The following SLC4A5 variants were observed in gnomAD, a reference collection of about 807,000 sequenced individuals.
SLC4A5 encodes the protein solute carrier family 4 member 5.
In SLC4A5, 96 loss-of-function variants were observed where a neutral mutation model predicts 120.4. That is an observed-to-expected ratio of 0.80 (90% CI 0.68 to 0.94). SLC4A5 has a LOEUF of 0.94. Ranked by LOEUF, SLC4A5 falls within the 40% of genes least tolerant of loss-of-function variation. The pLI is 0.00. For synonymous variants in SLC4A5, 550 were observed against 571.1 expected, an observed-to-expected ratio of 0.96 and a Z score of 0.53; for missense variants, 1,259 against 1,459.5, an observed-to-expected ratio of 0.86 and a Z score of 2.24.
At chr2:74,253,008 C>G in exon 15 of SLC4A5, 1 of 1,614,144 alleles carries the variant, frequency 6.2e-7, no homozygotes, top group Non-Finnish European at 8.5e-7. Flanking sequence ...TTGGGGGGCT[C>G]AATCCGGATA....
intron 4 of SLC4A5, 60 bp from the exon 5 acceptor site, chr2:74,328,246 G>C: frequency 1.0e-6 from 1 of 959,354 alleles, no homozygotes; most frequent in Non-Finnish European, 1.2e-6. Flanking sequence ...TTGGGGCATT[G>C]GAGATTGACT....
intron 5 of SLC4A5, among the ~76,000 whole-genome samples, chr2:74,318,063 CTTAA>C (rs1673009656): frequency 6.6e-6 from 1 of 151,980 alleles, no homozygotes; most frequent in African/African-American, 2.4e-5. Context: ...ACAAATGGCA[CTTAA>C]TTAAACTAAA....
At chr2:74,323,601 G>C (rs1230550489) in intron 5 of SLC4A5, among the ~76,000 whole-genome samples, 1 of 152,128 alleles carries the variant, frequency 6.6e-6, no homozygotes, top group Non-Finnish European at 1.5e-5. Context: ...AAATGTAAAA[G>C]ATTTGATACA....
intron 7 of SLC4A5, among the ~76,000 whole-genome samples, chr2:74,286,527 C>T (rs1671989500): frequency 6.6e-6 from 1 of 152,154 alleles, no homozygotes; most frequent in Non-Finnish European, 1.5e-5. Context: ...TCTTTCTTTT[C>T]CTTCCTTCCT....
At chr2:74,332,609 C>T (rs1673389197) in intron 4 of SLC4A5, among the ~76,000 whole-genome samples, 1 of 152,112 alleles carries the variant, frequency 6.6e-6, no homozygotes, top group Non-Finnish European at 1.5e-5. Context: ...TTAACTTTTT[C>T]CTCCTGCACA....
intron 5 of SLC4A5, among the ~76,000 whole-genome samples, chr2:74,325,181 G>C (rs1301839813): frequency 6.6e-6 from 1 of 152,162 alleles, no homozygotes; most frequent in Non-Finnish European, 1.5e-5. Context: ...TTTCCTATTT[G>C]AAGTACTATG....
chr2:74,234,235 G>C (rs1320777500), intron 22 of SLC4A5, among the ~76,000 whole-genome samples: 7 of 150,716 alleles, frequency 4.6e-5, no homozygotes, highest in Non-Finnish European at 8.8e-5. Flanking sequence ...CTGCAGTGCA[G>C]TGGCGTGATC....
At chr2:74,260,318 C>T (rs930013449) in intron 11 of SLC4A5, among the ~76,000 whole-genome samples, 2 of 152,106 alleles carry the variant, frequency 1.3e-5, no homozygotes, top group Admixed American at 6.5e-5. Flanking sequence ...CTCCTCCTCT[C>T]ATTTCTGTCC....
At chr2:74,306,969 G>A in intron 6 of SLC4A5, 1 of 602,334 alleles carries the variant, frequency 1.7e-6, no homozygotes, top group Non-Finnish European at 3.1e-6. Context: ...CTGGGTCTGT[G>A]CCAGCTCTGA....
At chr2:74,300,759 A>G (rs13395661) in intron 7 of SLC4A5, among the ~76,000 whole-genome samples, 5,836 of 152,208 alleles carry the variant, frequency 0.038, 385 homozygotes, top group African/African-American at 0.13. Context: ...TTCTCCAAGG[A>G]GCTCTGACAT....
intron 8 of SLC4A5, among the ~76,000 whole-genome samples, chr2:74,267,287 C>T (rs1671335900): frequency 6.6e-6 from 1 of 152,078 alleles, no homozygotes; most frequent in Admixed American, 6.6e-5. Context: ...CCCAGTGGTT[C>T]GATTTCTAGG....
rs938995596 is a variant in SLC4A5, at chr2:74,239,450, T to A, written c.2204A>T (p.Asn735Ile). The stretch of plus-strand genomic sequence containing the variant: ...CAGGTCTGGGATAAACTTGCAGGAA[T>A]TCCCAAGCAGGCGCCCGCCGTAGCT... The change falls in exon 21 of 31, where the codon AAT (asparagine) becomes ATT (isoleucine). Residue 735 changes from asparagine to isoleucine, a missense_variant. Transcript: ENST00000394019. The A allele has an allele frequency of 1.9e-6, 3 of 1,613,890 alleles. No homozygotes were observed. The African/African-American group carries it at 4.0e-5, about 22-fold the overall frequency.
Position 74,292,692 on chromosome 2 carries a change from C to T in SLC4A5, c.272-6790G>A, listed in dbSNP as rs192878849. ...TTACTGGGTGGGGACTGACTTAGCA[C>T]AAAATGATCTAGTGGCCTGCAAACT... On this transcript the variant is annotated intron_variant, in intron 7 of 30. Coordinates refer to ENST00000394019, the Ensembl canonical transcript of SLC4A5. Among the ~76,000 whole-genome samples, 4 of 152,150 alleles carry T rather than the reference C, an allele frequency of 2.6e-5. No individual in the cohort carries two copies. In the East Asian group the frequency reaches 7.7e-4, roughly 29 times the overall value.
chr2:74,226,896 C>A, intron 27 of SLC4A5, 61 bp downstream of exon 27: 1 of 1,561,438 alleles, frequency 6.4e-7, no homozygotes, highest in Non-Finnish European at 8.7e-7. Context: ...GGTTGCGCTG[C>A]ACCTCTGGGT....
chr2:74,332,145 T>C (rs954664956), intron 4 of SLC4A5, among the ~76,000 whole-genome samples: 4 of 152,206 alleles, frequency 2.6e-5, no homozygotes, highest in African/African-American at 4.8e-5. Flanking sequence ...CTATATCTTA[T>C]TTCTCATTTG....
intron 19 of SLC4A5, among the ~76,000 whole-genome samples, chr2:74,246,086 C>T (rs758543632): frequency 2.0e-5 from 3 of 152,186 alleles, no homozygotes; most frequent in Non-Finnish European, 2.9e-5. Flanking sequence ...CTGGGCACAT[C>T]CCACTGAAAG....
intron 8 of SLC4A5, among the ~76,000 whole-genome samples, chr2:74,274,626 C>T (rs531322501): frequency 6.6e-6 from 1 of 152,182 alleles, no homozygotes; most frequent in African/African-American, 2.4e-5. Context: ...GCACCCACCC[C>T]GGTCCAGGCT....
intron 7 of SLC4A5, among the ~76,000 whole-genome samples, chr2:74,289,211 A>G (rs888467976): frequency 3.9e-5 from 6 of 152,376 alleles, no homozygotes; most frequent in South Asian, 2.1e-4. Flanking sequence ...AGCACCATAA[A>G]ACACTATACA....
chr2:74,233,207 G>A (rs1316366456), intron 23 of SLC4A5, among the ~76,000 whole-genome samples, 195 bp downstream of exon 23: 1 of 152,212 alleles, frequency 6.6e-6, no homozygotes, highest in African/African-American at 2.4e-5. Context: ...TCCTCAGAAA[G>A]TCACTCCAGC....
Sources: gnomAD v4.1 joint callset for allele counts (sites outside exome capture counted in the v4.1 genomes callset) on GRCh38, gnomAD v4.1.1 for gene constraint, MANE v1.5 for transcripts, NCBI Gene and HGNC (gene_info 2026-07-23, HGNC 2026-07-21) for gene names.